MAP2: variants seen among roughly 807,000 people sequenced by gnomAD.
The protein encoded by MAP2 is microtubule associated protein 2.
In MAP2, 14 loss-of-function variants were observed where a neutral mutation model predicts 137.6. The ratio of observed to expected loss-of-function variants is 0.10; its 90% CI spans 0.07 to 0.16. MAP2 has a LOEUF of 0.16. Among genes scored for constraint, MAP2 ranks in the 10% least tolerant of loss-of-function variants. The pLI is 1.00. For missense variants in MAP2, 2,088 were observed against 2,191.5 expected (o/e 0.95, Z 0.94); for synonymous variants, 786 against 782.3 (o/e 1.00, Z -0.08).
chr2:209,554,745 T>A (rs560653802), intron 2 of MAP2, among the ~76,000 whole-genome samples: 1 of 151,080 alleles, frequency 6.6e-6, no homozygotes, highest in African/African-American at 2.4e-5. Flanking sequence ...ACAGAGACTG[T>A]CTCAAAAAAA....
intron 1 of MAP2, among the ~76,000 whole-genome samples, chr2:209,497,256 TG>T (rs1208149029): frequency 6.6e-6 from 1 of 152,144 alleles, no homozygotes; most frequent in African/African-American, 2.4e-5. Context: ...GTAGGGTTGG[TG>T]GCCTCATAAG....
At position 209,705,582 on chromosome 2, in the gene MAP2, C is replaced by T. The variant is rs143089892; in HGVS notation, c.4587C>T (p.Asp1529=). The change falls in exon 12 of 16, where the codon GAC becomes GAT. Residue 1529 remains aspartate (D), a splice_region_variant and synonymous_variant. Transcript: ENST00000682079. ...VFKQAKDKVS[D]GVTKSPEKRS... is the part of the protein sequence containing the mutation. ...TTCTTTTTGTTTTCTCCAATCAGGA[C>T]GGAGTAACCAAGAGCCCAGAAAAGC... 710 of 1,608,298 alleles carry T rather than the reference C, an allele frequency of 4.4e-4. 9 individuals carry two copies. In the East Asian group the frequency reaches 0.01, roughly 23 times the overall value.
intron 2 of MAP2, among the ~76,000 whole-genome samples, chr2:209,534,848 T>TA (rs2065705083): frequency 6.6e-6 from 1 of 152,216 alleles, no homozygotes; most frequent in Non-Finnish European, 1.5e-5. Context: ...CAAGGTCATG[T>TA]ACCCTGCCTG....
chr2:209,666,451 A>G (rs891672250), intron 5 of MAP2, among the ~76,000 whole-genome samples: 1 of 152,108 alleles, frequency 6.6e-6, no homozygotes, highest in African/African-American at 2.4e-5. Flanking sequence ...GAATAACAGT[A>G]GAGGAATAAC....
intron 10 of MAP2, 127 bp from the exon 11 acceptor site, chr2:209,700,150 C>T (rs1428077460): frequency 6.0e-6 from 4 of 662,572 alleles, no homozygotes; most frequent in Non-Finnish European, 8.0e-6. Flanking sequence ...ATTTGAGTCT[C>T]ATAATAAGCA....
intron 1 of MAP2, among the ~76,000 whole-genome samples, chr2:209,473,713 A>T (rs1192317958): frequency 9.2e-5 from 14 of 152,102 alleles, no homozygotes; most frequent in Admixed American, 4.6e-4. Flanking sequence ...TGAAGTGTTT[A>T]TGAGACTAGT....
intron 7 of MAP2, among the ~76,000 whole-genome samples, chr2:209,690,163 A>G (rs1190065301): frequency 6.6e-6 from 1 of 152,146 alleles, no homozygotes; most frequent in Admixed American, 6.5e-5. Context: ...CATTGGCGAA[A>G]ACAGCACATG....
At chr2:209,722,280 C>A (rs576598692) in intron 13 of MAP2, among the ~76,000 whole-genome samples, 73 of 152,304 alleles carry the variant, frequency 4.8e-4, no homozygotes, top group African/African-American at 1.6e-3. Context: ...TGAGAGATAT[C>A]AATGATATTT....
chr2:209,474,594 A>AG (rs1452041095), intron 1 of MAP2, among the ~76,000 whole-genome samples: 2 of 152,028 alleles, frequency 1.3e-5, no homozygotes, highest in Non-Finnish European at 2.9e-5. Context: ...AAAGAAAGAG[A>AG]GGGGAGAAGT....
In MAP2 at chr2:209,489,677, G is replaced by A. The variant is rs370974702; in HGVS notation, c.-221-17915G>A. On this transcript the variant is annotated intron_variant, in intron 1 of 15. Coordinates refer to ENST00000682079, the MANE Select transcript of MAP2 (RefSeq NM_001375505.1). ...GTATCAGTAGCCAAATTGATCAAGT[G>A]GAAGAAAGGATATCAGAGATTGAAG... is the stretch of plus-strand genomic sequence containing the variant. Among the ~76,000 whole-genome samples the A allele has an allele frequency of 2.6e-4, 40 of 152,126 alleles. 1 individual carries two copies. The East Asian group carries it at 7.6e-3, about 29-fold the overall frequency.
At chr2:209,704,721 ACTCTG>A in intron 11 of MAP2, 3 of 1,138,694 alleles carry the variant, frequency 2.6e-6, no homozygotes, top group Non-Finnish European at 3.6e-6. Context: ...CAAATACTTT[ACTCTG>A]AAGTGTTTGA....
chr2:209,696,620 C>T lies in MAP2; in HGVS notation c.4259C>T (p.Ser1420Leu), dbSNP rs1387562937. The change falls in exon 9 of 16, where the codon TCA (serine) becomes TTA (leucine). Residue 1420 changes from serine (S) to leucine (L), a missense_variant. Around this residue, in one of 6 missense-constraint regions of MAP2, gnomAD observed 591 missense variants for 642.6 expected, o/e 0.92. Coordinates refer to ENST00000682079, the MANE Select transcript of MAP2 (RefSeq NM_001375505.1). ...EEKAEKEARR[S>L]SLEKHRKEKP... is the part of the protein sequence containing the mutation. ...AAAGCTGAAAAGGAAGCTCGGAGAT[C>T]ATCTCTTGAGAAACATAGAAAAGAA... 1 of 1,613,626 alleles carries T rather than the reference C, an allele frequency of 6.2e-7. No homozygotes were observed. The highest frequency in any genetic ancestry group is 1.3e-5 in the African/African-American group (1 of 74,842).
At chr2:209,678,540 G>A (rs145660220) in intron 5 of MAP2, 32 bp from the exon 6 acceptor site, 166 of 1,138,528 alleles carry the variant, frequency 1.5e-4, no homozygotes, top group East Asian at 1.5e-4. Context: ...ACTTCTCATC[G>A]TTATATTTTA....
intron 1 of MAP2, among the ~76,000 whole-genome samples, chr2:209,431,466 C>A (rs1383706635): frequency 6.6e-6 from 1 of 152,070 alleles, no homozygotes; most frequent in South Asian, 2.1e-4. Context: ...TGCCTCTGCC[C>A]CATCACTGAA....
intron 1 of MAP2, among the ~76,000 whole-genome samples, chr2:209,430,159 A>C (rs917971627): frequency 6.7e-6 from 1 of 150,248 alleles, no homozygotes; most frequent in African/African-American, 2.5e-5. Context: ...TTTTTATCTT[A>C]ATAGGTCATC....
At chr2:209,527,497 G>T (rs774778547) in intron 2 of MAP2, among the ~76,000 whole-genome samples, 2 of 152,018 alleles carry the variant, frequency 1.3e-5, no homozygotes, top group Admixed American at 6.6e-5. Context: ...CGTGTACTCC[G>T]CCTCTCTTCT....
At chr2:209,488,081 A>T (rs531076837) in intron 1 of MAP2, among the ~76,000 whole-genome samples, 8 of 152,296 alleles carry the variant, frequency 5.3e-5, no homozygotes, top group Admixed American at 4.6e-4. Flanking sequence ...CAACTGAGGT[A>T]CTTGGTTCAT....
rs201499809 is a variant in MAP2 at position 209,696,294 on chromosome 2, A to G, written c.4124A>G (p.Glu1375Gly). ...KTETYDDYKD[E>G]TTIDDSIMDA... The stretch of plus-strand genomic sequence containing the variant: ...GAAACCTATGACGATTACAAAGATG[A>G]GACCACCATTGACGACTCCATCATG... Residue 1375 changes from glutamate to glycine, a missense_variant, in exon 8 of 16, where the codon GAG becomes GGG. By Grantham distance (98) the Glu-to-Gly change is moderately conservative. Around this residue, in one of 6 missense-constraint regions of MAP2, gnomAD observed 591 missense variants for 642.6 expected, o/e 0.92. Coordinates refer to ENST00000682079, the MANE Select transcript of MAP2 (RefSeq NM_001375505.1). The G allele has an allele frequency of 1.3e-6, 2 of 1,598,474 alleles. No homozygotes were observed. Among genetic ancestry groups the G allele is most frequent in the East Asian group, 2.2e-5 (1 of 44,828 alleles).
chr2:209,523,974 G>C (rs60120123), intron 2 of MAP2, among the ~76,000 whole-genome samples: 32,426 of 151,954 alleles, frequency 0.21, 4,563 homozygotes, highest in African/African-American at 0.4. Context: ...TTGTTTGCCT[G>C]CTCACTGATG....
Sources: allele counts gnomAD v4.1 joint callset (sites outside exome capture counted in the v4.1 genomes callset), GRCh38; gene constraint gnomAD v4.1.1; regional missense constraint gnomAD v4.1.1; transcripts MANE v1.5; gene names NCBI Gene and HGNC (gene_info 2026-07-23, HGNC 2026-07-21).